Variants in ANO5 observed in about 807,000 individuals in gnomAD.
ANO5 encodes anoctamin-5.
ANO5 carries 109 observed loss-of-function variants against 121.0 expected under a neutral mutation model. The observed-to-expected ratio is 0.90, with a 90% CI of 0.77 to 1.06. The LOEUF is 1.06. Ranked by LOEUF, ANO5 falls within the 50% of genes least tolerant of loss-of-function variation. ANO5 has a pLI of 0.00. For missense variants in ANO5, 1,064 were observed against 1,078.5 expected, an observed-to-expected ratio of 0.99 and a Z score of 0.19; for synonymous variants, 406 against 359.9, an observed-to-expected ratio of 1.13 and a Z score of -1.45.
intron 7 of ANO5, among the ~76,000 whole-genome samples, chr11:22,230,191 C>T (rs577729496): frequency 1.2e-4 from 18 of 151,892 alleles, no homozygotes; most frequent in Admixed American, 4.6e-4. Flanking sequence ...CCAGCTGTGT[C>T]GGTGAAAAAG....
intron 7 of ANO5, among the ~76,000 whole-genome samples, chr11:22,234,715 A>G (rs1006811743): frequency 4.6e-5 from 7 of 152,116 alleles, no homozygotes; most frequent in Admixed American, 3.9e-4. Context: ...TTTTACATCT[A>G]TCCTTACCCT....
intron 21 of ANO5, among the ~76,000 whole-genome samples, chr11:22,278,704 G>A (rs1353574072): frequency 3.3e-5 from 5 of 151,310 alleles, no homozygotes; most frequent in Admixed American, 2.0e-4. Flanking sequence ...TATTTTCACT[G>A]GATCCTTACA....
At chr11:22,195,619 A>T (rs1423810337) in intron 1 of ANO5, among the ~76,000 whole-genome samples, 2 of 152,008 alleles carry the variant, frequency 1.3e-5, no homozygotes, top group Non-Finnish European at 2.9e-5. Flanking sequence ...TTTTATGAAG[A>T]TGGGGTTTCA....
chr11:22,267,212 ATACT>A (rs1854396661), intron 17 of ANO5, among the ~76,000 whole-genome samples: 1 of 152,020 alleles, frequency 6.6e-6, no homozygotes, highest in Admixed American at 6.6e-5. Context: ...ATATTCTCAT[ATACT>A]TACTTCTAAA....
In ANO5 at chr11:22,262,190, G is replaced by A; in HGVS notation, c.1692G>A (p.Gln564=). The A allele has an allele frequency of 6.2e-7, 1 of 1,613,904 alleles. No homozygotes were observed. Residue 564 remains glutamine, a synonymous_variant, in exon 16 of 22, where the codon CAG becomes CAA. Coordinates refer to ENST00000324559, the MANE Select transcript of ANO5 (RefSeq NM_213599.3). ...TTACCTTGAAAATGTTCCTGTTTCA[G>A]TTTGTAAATTTTTACTCATCCTGCT... The part of the protein sequence containing the change: ...SSLTLKMFLF[Q]FVNFYSSCFY...
rs147582242 is a variant in ANO5 at position 22,210,202 on chromosome 11, T to C, written c.88-1062T>C. ...CTTTTCCCACCGGTTTCAGTATTAC[T>C]TTAGTACAATAGATTGCATTATCTT... On this transcript the variant is annotated intron_variant, in intron 2 of 21. Coordinates refer to ENST00000324559, the MANE Select transcript of ANO5 (RefSeq NM_213599.3). 9.6e-3 allele frequency among the ~76,000 whole-genome samples: 1,453 copies of C among 152,120 alleles called. 8 individuals carry two copies. The highest frequency in any genetic ancestry group is 0.016 in the Non-Finnish European group (1,073 of 67,914).
At chr11:22,274,473 C>A (rs1854754100) in intron 19 of ANO5, 96 bp from the exon 20 acceptor site, 1 of 1,127,958 alleles carries the variant, frequency 8.9e-7, no homozygotes, top group African/African-American at 1.6e-5. Flanking sequence ...CATTTTGCAT[C>A]TATATAATTT....
intron 5 of ANO5, among the ~76,000 whole-genome samples, chr11:22,221,677 A>G (rs1398372795): frequency 6.6e-6 from 1 of 151,912 alleles, no homozygotes; most frequent in Non-Finnish European, 1.5e-5. Flanking sequence ...GCTGTCTCCA[A>G]CACTATAAAT....
intron 12 of ANO5, among the ~76,000 whole-genome samples, chr11:22,253,519 T>A (rs1036137985): frequency 2.5e-4 from 38 of 152,140 alleles, no homozygotes; most frequent in Non-Finnish European, 2.1e-4. Flanking sequence ...ATGGTAGTTG[T>A]TCTATTGTAG....
rs1429315352 is a variant in ANO5, at chr11:22,250,230, T to C, written c.879-7T>C. 6.4e-7 allele frequency: 1 copy of C among 1,570,426 alleles called. No homozygotes were observed. The highest frequency in any genetic ancestry group is 2.2e-5 in the East Asian group (1 of 44,526). The stretch of plus-strand genomic sequence containing the variant: ...TATTCTGATTCTGTTTTTACTCTTT[T>C]TCACAGGAATTATTATGGAGAAAAA... On this transcript the variant is annotated splice_polypyrimidine_tract_variant and splice_region_variant and intron_variant, in intron 9 of 21. Transcript: ENST00000324559.
At chr11:22,215,184 A>G (rs1429505685) in intron 3 of ANO5, among the ~76,000 whole-genome samples, 2 of 151,992 alleles carry the variant, frequency 1.3e-5, no homozygotes, top group East Asian at 3.9e-4. Context: ...CAGATATGCA[A>G]TTAACAGATT....
intron 13 of ANO5, 37 bp from the exon 14 acceptor site, chr11:22,257,643 G>T: frequency 2.6e-6 from 4 of 1,532,742 alleles, no homozygotes; most frequent in Non-Finnish European, 3.6e-6. Context: ...TTAGAGGGGA[G>T]ATTTTGAATT....
Position 22,263,673 on chromosome 11 carries a change from G to C in ANO5, c.1898+630G>C, listed in dbSNP as rs988020718. 3.9e-5 allele frequency among the ~76,000 whole-genome samples: 6 copies of C among 152,154 alleles called. 1 individual carries two copies. In the East Asian group the frequency reaches 7.7e-4, roughly 20 times the overall value. On this transcript the variant is annotated intron_variant, in intron 17 of 21. Transcript: ENST00000324559. ...TAAAAAGAGAAAGAATTATAAAATC[G>C]TAAGTCTACGATCCTTCAGGGCTCC...
intron 10 of ANO5, 46 bp downstream of exon 10, chr11:22,250,417 G>C: frequency 6.2e-7 from 1 of 1,608,398 alleles, no homozygotes; most frequent in Non-Finnish European, 8.5e-7. Context: ...TCTTTATCTT[G>C]TGCCAAATGA....
In ANO5 at chr11:22,275,643, A is replaced by C. The variant is rs554677970; in HGVS notation, c.2415-451A>C. On this transcript the variant is annotated intron_variant, in intron 20 of 21. Coordinates refer to ENST00000324559, the MANE Select transcript of ANO5 (RefSeq NM_213599.3). Reference sequence around the variant, plus strand: ...AAGAAAAACAAAGCAATACAGCATCAGAACAGCCAAGAGAAAATAGAGTTC... The same window carrying C: ...AAGAAAAACAAAGCAATACAGCATCCGAACAGCCAAGAGAAAATAGAGTTC... 2.2e-4 allele frequency among the ~76,000 whole-genome samples: 33 copies of C among 152,010 alleles called. No homozygotes were observed. In the Middle Eastern group the frequency reaches 0.014, roughly 63 times the overall value.
At chr11:22,248,762 T>C (rs373566148) in intron 9 of ANO5, among the ~76,000 whole-genome samples, 1 of 151,938 alleles carries the variant, frequency 6.6e-6, no homozygotes, top group East Asian at 1.9e-4. Flanking sequence ...ACTTTAAAAC[T>C]AAGATTGTTG....
At chr11:22,243,835 T>A (rs1409673110) in intron 9 of ANO5, among the ~76,000 whole-genome samples, 1 of 152,216 alleles carries the variant, frequency 6.6e-6, no homozygotes, top group Admixed American at 6.5e-5. Context: ...GGGTGGTCTG[T>A]CTTATTTATT....
At chr11:22,206,995 T>C (rs1852141727) in intron 2 of ANO5, among the ~76,000 whole-genome samples, 1 of 151,956 alleles carries the variant, frequency 6.6e-6, no homozygotes, top group Non-Finnish European at 1.5e-5. Context: ...ACGATGTACA[T>C]AGAAAATCCC....
intron 1 of ANO5, among the ~76,000 whole-genome samples, chr11:22,196,288 T>C (rs1225107860): frequency 1.3e-5 from 2 of 152,140 alleles, no homozygotes; most frequent in Non-Finnish European, 2.9e-5. Context: ...TCCAAACTTA[T>C]CCTTTCATTA....
Sources: allele counts gnomAD v4.1 joint callset (sites outside exome capture counted in the v4.1 genomes callset), GRCh38; gene constraint gnomAD v4.1.1; transcripts MANE v1.5; gene names NCBI Gene and HGNC (gene_info 2026-07-23, HGNC 2026-07-21).